The following SENP7 variants were observed in gnomAD, a reference collection of about 807,000 sequenced individuals.
The protein encoded by SENP7 is sentrin-specific protease 7.
Under a neutral mutation model 141.2 loss-of-function variants are expected in SENP7, and 64 were observed. The ratio of observed to expected loss-of-function variants is 0.45; its 90% confidence interval spans 0.37 to 0.56. SENP7 has a LOEUF of 0.56. Among genes scored for constraint, SENP7 ranks in the 20% least tolerant of loss-of-function variants. The pLI, the probability that SENP7 is intolerant of heterozygous loss-of-function variation, is 0.00. For synonymous variants in SENP7, 382 were observed against 426.4 expected (o/e 0.90, Z 1.28); for missense variants, 1,025 against 1,212.2 (o/e 0.85, Z 2.29).
chr3:101,359,829 T>C (rs1446842503), intron 11 of SENP7, among the ~76,000 whole-genome samples: 3 of 152,110 alleles, frequency 2.0e-5, no homozygotes, highest in Non-Finnish European at 2.9e-5. Context: ...GTTTGTAATA[T>C]TGTTCCTTTA....
intron 6 of SENP7, among the ~76,000 whole-genome samples, chr3:101,373,770 A>G (rs2060243285): frequency 6.6e-6 from 1 of 152,174 alleles, no homozygotes; most frequent in Non-Finnish European, 1.5e-5. Context: ...TATAATCTCA[A>G]TCCAAATAAC....
At chr3:101,475,648 G>A (rs554997500) in intron 3 of SENP7, among the ~76,000 whole-genome samples, 3 of 152,126 alleles carry the variant, frequency 2.0e-5, no homozygotes, top group Admixed American at 6.5e-5. Context: ...CATGGCACAC[G>A]TTTACCTATT....
intron 6 of SENP7, among the ~76,000 whole-genome samples, chr3:101,386,724 A>G (rs2060662756): frequency 6.6e-6 from 1 of 152,212 alleles, no homozygotes; most frequent in Admixed American, 6.5e-5. Flanking sequence ...CCAGGACAAA[A>G]GGAGTCAAAG....
At chr3:101,450,757 A>G in intron 4 of SENP7, among the ~76,000 whole-genome samples, 1 of 152,244 alleles carries the variant, frequency 6.6e-6, no homozygotes. Flanking sequence ...CACAAGAGAA[A>G]GCAGGAAAGA....
At chr3:101,495,448 T>C (rs964926194) in intron 2 of SENP7, among the ~76,000 whole-genome samples, 9 of 152,210 alleles carry the variant, frequency 5.9e-5, no homozygotes, top group Admixed American at 3.3e-4. Context: ...GATATATGCA[T>C]GCACATGTTT....
chr3:101,513,138 C>A lies in SENP7; in HGVS notation c.-8G>T, dbSNP rs759645410. On this transcript the variant is annotated 5_prime_UTR_variant, in exon 1 of 24. Transcript: ENST00000394095. ...GAGCTTTCTCTTGTCCATCTTCTCC[C>A]GCTGCTGAAATTTCAGTTGCAGGCG... is the stretch of plus-strand genomic sequence containing the variant. The A allele has an allele frequency of 5.0e-6, 8 of 1,607,434 alleles. No individual in the cohort carries two copies. The Admixed American group carries it at 1.2e-4, about 24-fold the overall frequency.
chr3:101,380,638 TAAA>T (rs5851270), intron 6 of SENP7, among the ~76,000 whole-genome samples: 1 of 135,596 alleles, frequency 7.4e-6, no homozygotes. Context: ...GACCTATCTC[TAAA>T]AAAAAAAAAA....
At position 101,326,002 on chromosome 3, in the gene SENP7, C is replaced by T; in HGVS notation, c.3094G>A (p.Asp1032Asn). The change falls in exon 24 of 24, where the codon GAT becomes AAT. Residue 1032 changes from aspartate to asparagine, a missense_variant. Physicochemically the swap from Asp to Asn is conservative, Grantham distance 23 (BLOSUM62 1). Transcript: ENST00000394095. The part of the protein sequence containing the change: ...PRHVIKTKRE[D>N]IRELILKLHL... ...AGTTTCAAGATGAGCTCTCGAATATCTTCCCGTTTGGTCTTTATTACATGA... is the reference window on the plus strand; with the variant it reads ...AGTTTCAAGATGAGCTCTCGAATATTTTCCCGTTTGGTCTTTATTACATGA... The T allele has an allele frequency of 6.2e-7, 1 of 1,611,270 alleles. No individual in the cohort carries two copies. The highest frequency in any genetic ancestry group is 8.5e-7 in the Non-Finnish European group (1 of 1,178,514).
rs766528953 is a variant in SENP7, at chr3:101,341,708, A to T, written c.2178T>A (p.Leu726=). 1.2e-6 allele frequency: 2 copies of T among 1,612,076 alleles called. No individual in the cohort carries two copies. The highest frequency in any genetic ancestry group is 1.7e-6 in the Non-Finnish European group (2 of 1,178,520). Residue 726 remains leucine (L), a synonymous_variant, in exon 15 of 24, where the codon CTT becomes CTA. Coordinates refer to ENST00000394095, the MANE Select transcript of SENP7 (RefSeq NM_020654.5). ...LQKQSSGCYS[L]SITSNPDEEW... The stretch of plus-strand genomic sequence containing the variant: ...CTTCATCTGGATTAGATGTAATAGA[A>T]AGGGAGTAGCAACCGCTACTTTGCT...
Position 101,364,872 on chromosome 3 carries a change from A to G in SENP7, c.1438T>C (p.Leu480=). The change falls in exon 10 of 24, where the codon TTG becomes CTG. Residue 480 remains leucine, a synonymous_variant. Transcript: ENST00000394095. ...CATGTAATCAATGGTAGTTCTAACA[A>G]TGCTGATTCAGAAGTACTCTCATTT... The part of the protein sequence containing the change: ...NENESTSESA[L]LELPLITCES... 6.2e-7 allele frequency: 1 copy of G among 1,601,900 alleles called. No homozygotes were observed. Among genetic ancestry groups the G allele is most frequent in the Non-Finnish European group, 8.5e-7 (1 of 1,174,124 alleles).
At chr3:101,463,364 A>ATATATAT (rs1553744608) in intron 3 of SENP7, among the ~76,000 whole-genome samples, 9 of 89,214 alleles carry the variant, frequency 1.0e-4, no homozygotes, top group East Asian at 3.2e-4. Flanking sequence ...TAAATAAATA[A>ATATATAT]ATATATATAT....
At chr3:101,508,547 C>T (rs1004135132) in intron 1 of SENP7, among the ~76,000 whole-genome samples, 1 of 151,838 alleles carries the variant, frequency 6.6e-6, no homozygotes, top group African/African-American at 2.4e-5. Flanking sequence ...TGCAGTGAGC[C>T]GAGATCGTGC....
At chr3:101,450,411 T>C (rs2063082835) in intron 4 of SENP7, among the ~76,000 whole-genome samples, 1 of 152,294 alleles carries the variant, frequency 6.6e-6, no homozygotes, top group South Asian at 2.1e-4. Context: ...AGAATATACA[T>C]TCTTCTCAGC....
At chr3:101,403,907 T>C (rs1188455835) in intron 5 of SENP7, among the ~76,000 whole-genome samples, 2 of 152,086 alleles carry the variant, frequency 1.3e-5, no homozygotes, top group African/African-American at 4.8e-5. Flanking sequence ...AAAACATTAC[T>C]TTAAAAAATC....
chr3:101,461,967 G>A (rs2063560758), intron 3 of SENP7, among the ~76,000 whole-genome samples: 2 of 152,124 alleles, frequency 1.3e-5, no homozygotes, highest in Admixed American at 6.6e-5. Context: ...GGAAAATCCA[G>A]GCAACAGAAA....
chr3:101,448,295 G>C (rs2062973787), intron 4 of SENP7, among the ~76,000 whole-genome samples: 1 of 152,178 alleles, frequency 6.6e-6, no homozygotes, highest in Non-Finnish European at 1.5e-5. Context: ...ACCATCAAGA[G>C]AGTGAGAAAC....
intron 5 of SENP7, among the ~76,000 whole-genome samples, chr3:101,413,878 A>C (rs564966719): frequency 2.6e-5 from 4 of 152,336 alleles, no homozygotes; most frequent in Admixed American, 6.5e-5. Context: ...AGAGATAAGC[A>C]AAGGCGAGAT....
chr3:101,495,946 AAC>A (rs1250003234), intron 2 of SENP7, among the ~76,000 whole-genome samples: 2 of 152,232 alleles, frequency 1.3e-5, no homozygotes, highest in African/African-American at 4.8e-5. Context: ...ACTTATGCCT[AAC>A]ACAGTGTCCA....
At chr3:101,423,399 T>G (rs1012026181) in intron 4 of SENP7, among the ~76,000 whole-genome samples, 1 of 152,138 alleles carries the variant, frequency 6.6e-6, no homozygotes, top group Non-Finnish European at 1.5e-5. Flanking sequence ...AAGATGACCA[T>G]GTAAGTGTTG....
Sources: allele counts gnomAD v4.1 joint callset (sites outside exome capture counted in the v4.1 genomes callset), GRCh38; gene constraint gnomAD v4.1.1; transcripts MANE v1.5; gene names NCBI Gene and HGNC (gene_info 2026-07-23, HGNC 2026-07-21).